The following LRP1B variants were observed in gnomAD, a reference collection of about 807,000 sequenced individuals.
LRP1B encodes LDL receptor related protein 1B.
Under a neutral mutation model 556.6 loss-of-function variants are expected in LRP1B, and 217 were observed. The observed-to-expected ratio is 0.39, with a 90% confidence interval of 0.35 to 0.44. LRP1B has a LOEUF of 0.44. Ranked by LOEUF, LRP1B falls within the 20% of genes least tolerant of loss-of-function variation. LRP1B has a pLI of 1.00. For missense variants in LRP1B, 5,053 were observed against 5,620.8 expected (o/e 0.90, Z 3.23); for synonymous variants, 2,047 against 1,865.8 (o/e 1.10, Z -2.50).
chr2:141,122,312 G>A (rs1380313671), intron 7 of LRP1B, among the ~76,000 whole-genome samples: 2 of 151,586 alleles, frequency 1.3e-5, no homozygotes, highest in African/African-American at 2.4e-5. Context: ...GAGTGAACAG[G>A]CAACCTACAG....
intron 67 of LRP1B, 62 bp from the exon 68 acceptor site, chr2:140,378,348 A>G: frequency 1.2e-6 from 1 of 820,496 alleles, no homozygotes; most frequent in South Asian, 1.5e-5. Context: ...TAAAATTTAT[A>G]TGACATATGA....
intron 1 of LRP1B, among the ~76,000 whole-genome samples, chr2:141,934,054 T>C (rs1003114193): frequency 6.6e-6 from 1 of 151,934 alleles, no homozygotes; most frequent in African/African-American, 2.4e-5. Flanking sequence ...CAAAAGAGAA[T>C]AAAAATGACT....
chr2:141,477,511 C>G (rs1340532361), intron 3 of LRP1B, among the ~76,000 whole-genome samples: 1 of 152,106 alleles, frequency 6.6e-6, no homozygotes. Context: ...TGAGTTCCTA[C>G]AATGTACCTT....
intron 11 of LRP1B, among the ~76,000 whole-genome samples, chr2:141,021,004 G>A (rs1208433208): frequency 6.6e-6 from 1 of 151,902 alleles, no homozygotes; most frequent in Non-Finnish European, 1.5e-5. Context: ...TTACAACTAC[G>A]ATTCCATTCT....
chr2:141,302,398 T>C (rs561401677), intron 3 of LRP1B, among the ~76,000 whole-genome samples: 10 of 152,126 alleles, frequency 6.6e-5, no homozygotes, highest in Non-Finnish European at 5.9e-5. Flanking sequence ...GATTATGTAA[T>C]TAATATCCTC....
chr2:141,863,617 C>T (rs1170571049), intron 1 of LRP1B, among the ~76,000 whole-genome samples: 1 of 152,108 alleles, frequency 6.6e-6, no homozygotes, highest in East Asian at 1.9e-4. Flanking sequence ...TTTATTTTGG[C>T]ATCTATTGTA....
At chr2:141,500,917 ATTTTCTTCATG>A (rs1367774317) in intron 2 of LRP1B, among the ~76,000 whole-genome samples, 1 of 151,874 alleles carries the variant, frequency 6.6e-6, no homozygotes, top group East Asian at 1.9e-4. Flanking sequence ...GAGTACTTCT[ATTTTCTTCATG>A]TATCCTTTGA....
intron 2 of LRP1B, among the ~76,000 whole-genome samples, chr2:141,610,192 AG>A (rs954677481): frequency 1.3e-5 from 2 of 152,120 alleles, no homozygotes; most frequent in African/African-American, 4.8e-5. Flanking sequence ...GGGGAGGGAT[AG>A]CATTAGGAGA....
intron 2 of LRP1B, among the ~76,000 whole-genome samples, chr2:141,719,198 A>G (rs1439025837): frequency 6.6e-6 from 1 of 152,176 alleles, no homozygotes; most frequent in East Asian, 1.9e-4. Context: ...AGAGTTGTAT[A>G]GTTTTGAAGT....
chr2:140,386,876 A>G (rs1285168969), intron 66 of LRP1B, among the ~76,000 whole-genome samples: 1 of 152,210 alleles, frequency 6.6e-6, no homozygotes, highest in African/African-American at 2.4e-5. Flanking sequence ...ATGTATAGCT[A>G]AAACAGGGCT....
intron 45 of LRP1B, among the ~76,000 whole-genome samples, chr2:140,539,209 G>T (rs1198754687): frequency 1.3e-5 from 2 of 152,028 alleles, no homozygotes; most frequent in Non-Finnish European, 2.9e-5. Context: ...GTTAGTACAT[G>T]GCCTTTCACC....
At chr2:141,710,582 A>G (rs1692321044) in intron 2 of LRP1B, among the ~76,000 whole-genome samples, 1 of 152,186 alleles carries the variant, frequency 6.6e-6, no homozygotes, top group Admixed American at 6.5e-5. Flanking sequence ...TAGCCAGGAC[A>G]AGAGCCATTC....
At chr2:141,252,930 T>C (rs77146613) in intron 4 of LRP1B, among the ~76,000 whole-genome samples, 9,886 of 152,248 alleles carry the variant, frequency 0.065, 431 homozygotes, top group East Asian at 0.16. Flanking sequence ...TCTTCACTAA[T>C]GTTCCACAGA....
chr2:142,069,531 C>A (rs1441689637), intron 1 of LRP1B, among the ~76,000 whole-genome samples: 2 of 151,586 alleles, frequency 1.3e-5, no homozygotes, highest in African/African-American at 4.8e-5. Context: ...CTTACTGAAA[C>A]TGACATTCAT....
intron 61 of LRP1B, among the ~76,000 whole-genome samples, chr2:140,457,238 G>A (rs1687141286): frequency 6.6e-6 from 1 of 152,122 alleles, no homozygotes; most frequent in African/African-American, 2.4e-5. Flanking sequence ...AGCTTAATAT[G>A]AGTTGAACAA....
intron 5 of LRP1B, among the ~76,000 whole-genome samples, chr2:141,232,070 C>G (rs1188209420): frequency 6.6e-6 from 1 of 152,114 alleles, no homozygotes; most frequent in Non-Finnish European, 1.5e-5. Context: ...GTCAATTGAC[C>G]ACATCTGAGC....
intron 35 of LRP1B, among the ~76,000 whole-genome samples, chr2:140,741,645 T>G (rs748417493): frequency 6.6e-6 from 1 of 152,078 alleles, no homozygotes; most frequent in Admixed American, 6.6e-5. Context: ...CACTCTCCAT[T>G]CTCAAGTAGG....
chr2:140,638,903 TTATA>T (rs758825776), intron 41 of LRP1B, among the ~76,000 whole-genome samples: 36 of 151,864 alleles, frequency 2.4e-4, no homozygotes, highest in Non-Finnish European at 4.1e-4. Flanking sequence ...TATGAACAAT[TTATA>T]TATAGTTCGT....
At chr2:141,385,504 T>C (rs561723448) in intron 3 of LRP1B, among the ~76,000 whole-genome samples, 2 of 152,224 alleles carry the variant, frequency 1.3e-5, no homozygotes, top group African/African-American at 4.8e-5. Context: ...ATAGACAACA[T>C]GATGAAAATA....
Sources: allele counts gnomAD v4.1 joint callset (sites outside exome capture counted in the v4.1 genomes callset), GRCh38; gene constraint gnomAD v4.1.1; transcripts MANE v1.5; gene names NCBI Gene and HGNC (gene_info 2026-07-23, HGNC 2026-07-21).